OTOG: variants seen among roughly 807,000 people sequenced by gnomAD.
The protein encoded by OTOG is otogelin.
A neutral mutation model predicts 313.8 loss-of-function variants in OTOG; 296 were observed. That is an observed-to-expected ratio of 0.94 (90% CI 0.86 to 1.04). The LOEUF (loss-of-function observed/expected upper bound fraction) is 1.04. Among genes scored for constraint, OTOG ranks in the 50% least tolerant of loss-of-function variants. OTOG has a pLI of 0.00. For missense variants in OTOG, 3,948 were observed against 3,840.1 expected (o/e 1.03, Z -0.74); for synonymous variants, 1,533 against 1,554.9 (o/e 0.99, Z 0.33).
At chr11:17,552,179 C>A in intron 4 of OTOG, 104 bp downstream of exon 4, 2 of 1,128,520 alleles carry the variant, frequency 1.8e-6, no homozygotes, top group Non-Finnish European at 2.6e-6. Context: ...GCCTCCATGA[C>A]CCCTTTTTCC....
chr11:17,610,839 C>A lies in OTOG; in HGVS notation c.5539C>A (p.Pro1847Thr). The stretch of plus-strand genomic sequence containing the variant: ...GACTCTGCCTGCTCAGACACTTAGC[C>A]CAGTACTGCCTTTCACTCCAGCAGC... ...ATTLPAQTLSPVLPFTPAAMT... is the reference protein window; with the variant it reads ...ATTLPAQTLSTVLPFTPAAMT... Residue 1847 changes from proline (P) to threonine (T), a missense_variant, in exon 36 of 56, where the codon CCA becomes ACA. Coordinates refer to ENST00000399397, the MANE Select transcript of OTOG (RefSeq NM_001292063.2). 1 of 1,550,990 alleles carries A rather than the reference C, an allele frequency of 6.4e-7. No individual in the cohort carries two copies. The highest frequency in any genetic ancestry group is 2.4e-5 in the East Asian group (1 of 40,910).
chr11:17,629,084 A>G (rs370667918), intron 39 of OTOG, 49 bp from the exon 40 acceptor site: 1 of 1,486,546 alleles, frequency 6.7e-7, no homozygotes, highest in African/African-American at 1.4e-5. Flanking sequence ...GGATGGATGG[A>G]TGAATGAATG....
rs946436560 is a variant in OTOG at position 17,568,116 on chromosome 11, C to T, written c.1645-1040C>T. Among the ~76,000 whole-genome samples the T allele has an allele frequency of 2.1e-4, 10 of 48,418 alleles. No individual in the cohort carries two copies. In the South Asian group the frequency reaches 4.1e-3, roughly 20 times the overall value. The allele number at this position is 48,418 out of a possible 152,430, so 31.8% of individuals were successfully genotyped here. On this transcript the variant is annotated intron_variant, in intron 15 of 55. Coordinates refer to ENST00000399397, the MANE Select transcript of OTOG (RefSeq NM_001292063.2). ...TGGAGATGGGGTTTCACCGTGTCAGCCAGGATGGTCTCGATCTCCTGACCT... is the reference window on the plus strand; with the variant it reads ...TGGAGATGGGGTTTCACCGTGTCAGTCAGGATGGTCTCGATCTCCTGACCT...
chr11:17,551,987 C>T lies in OTOG; in HGVS notation c.217-13C>T. Reference sequence around the variant, plus strand: ...CAGCCCTCGATGTGTTCTCTTCCTCCTGTCTTCACAAGCAGGCTGAAGCCC... The same window carrying T: ...CAGCCCTCGATGTGTTCTCTTCCTCTTGTCTTCACAAGCAGGCTGAAGCCC... On this transcript the variant is annotated splice_polypyrimidine_tract_variant and intron_variant, in intron 3 of 55. Transcript: ENST00000399397. The T allele has an allele frequency of 6.5e-7, 1 of 1,550,254 alleles. No homozygotes were observed.
intron 24 of OTOG, among the ~76,000 whole-genome samples, chr11:17,590,975 T>G (rs925652263): frequency 3.3e-5 from 5 of 152,254 alleles, no homozygotes; most frequent in African/African-American, 1.2e-4. Flanking sequence ...CATTGCCTTC[T>G]AATGCACTAT....
At position 17,631,839 on chromosome 11, in the gene OTOG, C is replaced by T. The variant is rs200932405; in HGVS notation, c.6850C>T (p.Arg2284Cys). Residue 2284 changes from arginine to cysteine, a missense_variant, in exon 41 of 56, where the codon CGC (arginine) becomes TGC (cysteine). Physicochemically the swap from Arg to Cys is radical, Grantham distance 180. Transcript: ENST00000399397. ...SLTSVGQTRF[R>C]PDSCATTDCS... ...GACCTCAGTGGGCCAGACCCGCTTCCGCCCAGACAGCTGCGCCACAACTGA... is the reference window on the plus strand; with the variant it reads ...GACCTCAGTGGGCCAGACCCGCTTCTGCCCAGACAGCTGCGCCACAACTGA... 1.3e-4 allele frequency: 205 copies of T among 1,550,514 alleles called. No individual in the cohort carries two copies. Among genetic ancestry groups the T allele is most frequent in the Admixed American group, 2.0e-4 (10 of 50,996 alleles).
At chr11:17,596,685 A>G (rs1316312207) in intron 29 of OTOG, among the ~76,000 whole-genome samples, 166 bp from the exon 30 acceptor site, 1 of 152,262 alleles carries the variant, frequency 6.6e-6, no homozygotes, top group Non-Finnish European at 1.5e-5. Flanking sequence ...TGCCTGGACC[A>G]TGGAGTTCTC....
chr11:17,599,597 G>A, intron 30 of OTOG, 74 bp from the exon 31 acceptor site: 1 of 1,499,426 alleles, frequency 6.7e-7, no homozygotes, highest in East Asian at 2.5e-5. Context: ...CTGGGATGCT[G>A]GGAGCCTTGG....
rs935095151 is a variant in OTOG at position 17,634,777 on chromosome 11, T to C, written c.7481-67T>C. ...CCAGGGGTTGGGCAGTTGTCCAGTG[T>C]TCTCCACTGGAGAGCAGTGGGGACA... On this transcript the variant is annotated intron_variant, in intron 44 of 55. Coordinates refer to ENST00000399397, the MANE Select transcript of OTOG (RefSeq NM_001292063.2). The C allele has an allele frequency of 6.8e-6, 9 of 1,332,984 alleles. No individual in the cohort carries two copies. In the East Asian group the frequency reaches 7.6e-5, roughly 11 times the overall value. 82.6% of individuals were successfully genotyped at this position (1,332,984 alleles called of 1,614,324 possible).
chr11:17,616,123 A>G (rs1377785236), intron 39 of OTOG, among the ~76,000 whole-genome samples: 3 of 151,988 alleles, frequency 2.0e-5, no homozygotes, highest in African/African-American at 7.3e-5. Context: ...GTGGTGGTGC[A>G]ATGATAGCTT....
intron 49 of OTOG, 112 bp from the exon 50 acceptor site, chr11:17,640,633 T>G (rs968909061): frequency 8.5e-7 from 1 of 1,178,750 alleles, no homozygotes; most frequent in Non-Finnish European, 1.2e-6. Flanking sequence ...CCAGCCCCCC[T>G]CCTGCCCACC....
chr11:17,552,603 C>CCTCACCTGTCCTGTGTCT (rs1363927998), intron 4 of OTOG, among the ~76,000 whole-genome samples: 178 of 133,952 alleles, frequency 1.3e-3, no homozygotes, highest in African/African-American at 1.9e-3. Context: ...GTCCTGTGTC[C>CCTCACCTGTCCTGTGTCT]CCCACCTGTC....
chr11:17,629,216 C>G lies in OTOG; in HGVS notation c.6612C>G (p.Ile2204Met). ...AGGACACAGGCCACATGTACATGAT[C>G]CTGACTCCCTCAGACATCCAGATCC... Reference protein sequence around the residue: ...RIEDTGHMYMILTPSDIQIQW... With the variant: ...RIEDTGHMYMMLTPSDIQIQW... The change falls in exon 40 of 56, where the codon ATC becomes ATG. Residue 2204 changes from isoleucine to methionine, a missense_variant. By Grantham distance (10) the Ile-to-Met change is conservative. Coordinates refer to ENST00000399397, the MANE Select transcript of OTOG (RefSeq NM_001292063.2). The G allele has an allele frequency of 6.4e-7, 1 of 1,550,608 alleles. No homozygotes were observed. Among genetic ancestry groups the G allele is most frequent in the Non-Finnish European group, 8.7e-7 (1 of 1,147,006 alleles).
rs1590038965 is a variant in OTOG at position 17,608,510 on chromosome 11, G to A, written c.4274+97G>A. 6.1e-6 allele frequency: 5 copies of A among 816,100 alleles called. No individual in the cohort carries two copies. In the East Asian group the frequency reaches 9.0e-5, roughly 15 times the overall value. The allele number at this position is 816,100 out of a possible 1,614,324, so 50.6% of individuals were successfully genotyped here. A position where few individuals can be genotyped will look rare whatever the true frequency, so the allele number is the denominator to read the frequency against. ...TGTGTATGAGTGTTTCATATGTTGA[G>A]TGTATGGGGATGTGTGTACCACGGT... On this transcript the variant is annotated intron_variant, in intron 34 of 55. Transcript: ENST00000399397.
chr11:17,559,209 G>C, intron 11 of OTOG, 48 bp downstream of exon 11: 1 of 1,306,056 alleles, frequency 7.7e-7, no homozygotes, highest in Non-Finnish European at 1.1e-6. Context: ...GGCTGTGGGT[G>C]GCATTCTCAG....
chr11:17,565,751 G>A (rs924482439), intron 15 of OTOG, among the ~76,000 whole-genome samples: 2 of 152,034 alleles, frequency 1.3e-5, no homozygotes, highest in South Asian at 4.2e-4. Flanking sequence ...CCAGCTTTGG[G>A]CACTGGGAGA....
At chr11:17,585,798 AC>A (rs112823139) in intron 23 of OTOG, among the ~76,000 whole-genome samples, 1,829 of 152,314 alleles carry the variant, frequency 0.012, 42 homozygotes, top group African/African-American at 0.042. Flanking sequence ...TGCCTGTAGC[AC>A]CCTTTCTTTT....
At chr11:17,562,237 C>CAAAAAAAAAAAAAA (rs759962274) in intron 15 of OTOG, among the ~76,000 whole-genome samples, 1 of 62,686 alleles carries the variant, frequency 1.6e-5, no homozygotes, top group Non-Finnish European at 4.0e-5. Flanking sequence ...GACTCCGTCT[C>CAAAAAAAAAAAAAA]AAAAAAAAAA....
intron 47 of OTOG, among the ~76,000 whole-genome samples, chr11:17,636,927 G>A (rs903983329): frequency 1.2e-4 from 19 of 152,226 alleles, no homozygotes; most frequent in South Asian, 1.2e-3. Flanking sequence ...GTGGAAATTA[G>A]AGATAATTTT....
Sources: gnomAD v4.1 joint callset for allele counts (sites outside exome capture counted in the v4.1 genomes callset) on GRCh38, gnomAD v4.1.1 for gene constraint, MANE v1.5 for transcripts, NCBI Gene and HGNC (gene_info 2026-07-23, HGNC 2026-07-21) for gene names.